KCNMB2: variants seen among roughly 807,000 people sequenced by gnomAD.
The protein encoded by KCNMB2 is calcium-activated potassium channel subunit beta-2.
KCNMB2 carries 9 observed loss-of-function variants against 24.5 expected under a neutral mutation model. That is an observed-to-expected ratio of 0.37 (90% confidence interval 0.22 to 0.64). The LOEUF is 0.64. Ranked by LOEUF, KCNMB2 falls within the 30% of genes least tolerant of loss-of-function variation. The pLI, the probability that KCNMB2 is intolerant of heterozygous loss-of-function variation, is 0.63. For missense variants in KCNMB2, 226 were observed against 284.3 expected, an observed-to-expected ratio of 0.79 and a Z score of 1.47; for synonymous variants, 109 against 104.4, an observed-to-expected ratio of 1.04 and a Z score of -0.27.
At chr3:178,758,492 TG>T (rs1724309430) in intron 1 of KCNMB2, among the ~76,000 whole-genome samples, 1 of 18,042 alleles carries the variant, frequency 5.5e-5, no homozygotes, top group African/African-American at 3.6e-4. Flanking sequence ...AAGAGGTGAT[TG>T]ATATATATAT....
At chr3:178,777,484 C>T (rs1203471064) in intron 1 of KCNMB2, among the ~76,000 whole-genome samples, 1 of 152,156 alleles carries the variant, frequency 6.6e-6, no homozygotes, top group East Asian at 1.9e-4. Flanking sequence ...GCAAGATGTA[C>T]TAAAATATCT....
intron 1 of KCNMB2, among the ~76,000 whole-genome samples, chr3:178,742,782 G>A (rs190791993): frequency 8.5e-4 from 129 of 152,190 alleles, no homozygotes; most frequent in African/African-American, 3.0e-3. Context: ...TTGAGTTGAC[G>A]GCCTCACACA....
intron 1 of KCNMB2, among the ~76,000 whole-genome samples, chr3:178,657,250 C>T (rs1560151877): frequency 6.6e-6 from 1 of 152,238 alleles, no homozygotes; most frequent in Admixed American, 6.5e-5. Flanking sequence ...TTCATTTCTT[C>T]AGGCTGCTGG....
chr3:178,716,721 G>T (rs140774883), intron 1 of KCNMB2, among the ~76,000 whole-genome samples: 4 of 152,138 alleles, frequency 2.6e-5, no homozygotes, highest in African/African-American at 9.7e-5. Flanking sequence ...GGGATTACAG[G>T]CATGATCCCA....
chr3:178,759,860 C>A (rs1290669047), intron 1 of KCNMB2, among the ~76,000 whole-genome samples: 1 of 10,164 alleles, frequency 9.8e-5, no homozygotes, highest in Non-Finnish European at 1.6e-4. Flanking sequence ...ATATATATAT[C>A]CAAGAGGATA....
intron 1 of KCNMB2, among the ~76,000 whole-genome samples, chr3:178,552,681 G>A (rs897300530): frequency 6.6e-6 from 1 of 152,024 alleles, no homozygotes; most frequent in Non-Finnish European, 1.5e-5. Context: ...ATTTGTAACT[G>A]TTTTAACTCA....
At chr3:178,651,065 C>T (rs1720101202) in intron 1 of KCNMB2, among the ~76,000 whole-genome samples, 1 of 152,112 alleles carries the variant, frequency 6.6e-6, no homozygotes, top group Non-Finnish European at 1.5e-5. Context: ...GCAGGGCAAT[C>T]AGGCAAGAGA....
chr3:178,626,653 C>T (rs1719128684), intron 1 of KCNMB2, among the ~76,000 whole-genome samples: 1 of 152,018 alleles, frequency 6.6e-6, no homozygotes, highest in Non-Finnish European at 1.5e-5. Flanking sequence ...TGAGAAGTCA[C>T]TCACTATCAC....
chr3:178,833,364 G>A (rs1715112703), intron 4 of KCNMB2, among the ~76,000 whole-genome samples: 1 of 152,096 alleles, frequency 6.6e-6, no homozygotes, highest in Admixed American at 6.5e-5. Flanking sequence ...GGGAAAAAAG[G>A]CACCAAACAT....
chr3:178,798,370 GGTTT>G (rs770199576), intron 1 of KCNMB2, among the ~76,000 whole-genome samples: 10 of 151,836 alleles, frequency 6.6e-5, no homozygotes, highest in Admixed American at 5.9e-4. Flanking sequence ...TCTGGTCCTT[GGTTT>G]GTTTTTGTGT....
At chr3:178,788,294 A>G (rs998293255) in intron 1 of KCNMB2, among the ~76,000 whole-genome samples, 1 of 152,236 alleles carries the variant, frequency 6.6e-6, no homozygotes, top group Non-Finnish European at 1.5e-5. Context: ...TCAAAACTGA[A>G]CATCAGTTGT....
At chr3:178,719,854 C>T (rs1351963230) in intron 1 of KCNMB2, among the ~76,000 whole-genome samples, 2 of 152,084 alleles carry the variant, frequency 1.3e-5, no homozygotes, top group Admixed American at 6.6e-5. Context: ...CCTCAAATTC[C>T]CTCCTGCTGT....
intron 1 of KCNMB2, among the ~76,000 whole-genome samples, chr3:178,608,840 T>C (rs188978683): frequency 5.1e-4 from 77 of 152,336 alleles, no homozygotes; most frequent in Middle Eastern, 3.4e-3. Context: ...TATGGTTAAA[T>C]AGTACTCCAT....
At chr3:178,624,586 CTT>C (rs901370186) in intron 1 of KCNMB2, among the ~76,000 whole-genome samples, 2 of 80,190 alleles carry the variant, frequency 2.5e-5, no homozygotes, top group Non-Finnish European at 4.6e-5. Context: ...TCTATTTTTT[CTT>C]TTTTTCTTTC....
chr3:178,714,179 T>G (rs188069121), intron 1 of KCNMB2, among the ~76,000 whole-genome samples: 6 of 152,298 alleles, frequency 3.9e-5, no homozygotes. Context: ...ACACACTCTT[T>G]CTTCTTCAGT....
intron 1 of KCNMB2, among the ~76,000 whole-genome samples, chr3:178,664,817 T>C (rs1421072494): frequency 6.6e-6 from 1 of 152,080 alleles, no homozygotes; most frequent in Non-Finnish European, 1.5e-5. Context: ...TTAGATGAAG[T>C]TCTATTGACA....
chr3:178,574,471 A>G (rs1716918912), intron 1 of KCNMB2, among the ~76,000 whole-genome samples: 3 of 152,056 alleles, frequency 2.0e-5, no homozygotes, highest in African/African-American at 7.2e-5. Flanking sequence ...ACTGCTTTCT[A>G]TTCATGTTTT....
rs564901263 is a variant in KCNMB2 at position 178,842,763 on chromosome 3, A to G, written c.534A>G (p.Pro178=). The change falls in exon 5 of 5, where the codon CCA becomes CCG. Residue 178 remains proline (P), a synonymous_variant. Transcript: ENST00000452583. The stretch of plus-strand genomic sequence containing the variant: ...AACACTTCTCCTGCTATTCTGACCC[A>G]GAAGGAAACCAGAAGAGTGTTATCC... ...KYQHFSCYSD[P]EGNQKSVILT... 18 of 1,613,918 alleles carry G rather than the reference A, an allele frequency of 1.1e-5. No homozygotes were observed. Among genetic ancestry groups the G allele is most frequent in the Non-Finnish European group, 1.4e-5 (17 of 1,179,774 alleles).
intron 1 of KCNMB2, among the ~76,000 whole-genome samples, chr3:178,744,230 T>C (rs539548035): frequency 6.6e-6 from 1 of 152,230 alleles, no homozygotes; most frequent in African/African-American, 2.4e-5. Flanking sequence ...ATTGTTGACA[T>C]GATAAATATA....
Sources: gnomAD v4.1 joint callset for allele counts (sites outside exome capture counted in the v4.1 genomes callset) on GRCh38, gnomAD v4.1.1 for gene constraint, MANE v1.5 for transcripts, NCBI Gene and HGNC (gene_info 2026-07-23, HGNC 2026-07-21) for gene names.